The following CAMK4 variants were observed in gnomAD, a reference collection of about 807,000 sequenced individuals.
The protein encoded by CAMK4 is calcium/calmodulin-dependent protein kinase type IV.
In CAMK4, 22 loss-of-function variants were observed where a neutral mutation model predicts 44.9. That is an observed-to-expected ratio of 0.49 (90% CI 0.35 to 0.70). CAMK4 has a LOEUF of 0.70. Among genes scored for constraint, CAMK4 ranks in the 30% least tolerant of loss-of-function variants. CAMK4 has a pLI of 0.01. For missense variants in CAMK4, 498 were observed against 586.8 expected, an observed-to-expected ratio of 0.85 and a Z score of 1.56; for synonymous variants, 218 against 215.4, an observed-to-expected ratio of 1.01 and a Z score of -0.11.
chr5:111,334,455 T>G (rs984497630), intron 1 of CAMK4, among the ~76,000 whole-genome samples: 2 of 151,470 alleles, frequency 1.3e-5, no homozygotes, highest in African/African-American at 4.8e-5. Flanking sequence ...TGGGCCAAGA[T>G]GTATACTGAT....
At chr5:111,265,117 A>G (rs1460176382) in intron 1 of CAMK4, among the ~76,000 whole-genome samples, 1 of 152,132 alleles carries the variant, frequency 6.6e-6, no homozygotes, top group Non-Finnish European at 1.5e-5. Flanking sequence ...TGTCATGAGA[A>G]TGTAAGCCCC....
intron 1 of CAMK4, among the ~76,000 whole-genome samples, chr5:111,279,284 C>A (rs1750904579): frequency 6.6e-6 from 1 of 152,114 alleles, no homozygotes; most frequent in African/African-American, 2.4e-5. Flanking sequence ...GTTTCCGGCC[C>A]TGTGACTGTA....
intron 1 of CAMK4, among the ~76,000 whole-genome samples, chr5:111,331,503 C>T (rs955236474): frequency 2.0e-5 from 3 of 151,754 alleles, no homozygotes; most frequent in Non-Finnish European, 2.9e-5. Flanking sequence ...GGTACAACCA[C>T]ATTGAAAAAC....
intron 1 of CAMK4, among the ~76,000 whole-genome samples, chr5:111,338,586 C>A (rs1478311205): frequency 1.3e-5 from 2 of 151,220 alleles, no homozygotes; most frequent in Non-Finnish European, 3.0e-5. Flanking sequence ...TTCTAGGATT[C>A]TTAAAGCTTG....
intron 1 of CAMK4, among the ~76,000 whole-genome samples, chr5:111,328,859 T>A (rs1036938512): frequency 6.6e-6 from 1 of 152,058 alleles, no homozygotes; most frequent in Non-Finnish European, 1.5e-5. Flanking sequence ...GTACATTGAT[T>A]TTGTATCCTG....
At chr5:111,365,829 C>T (rs450315) in intron 2 of CAMK4, among the ~76,000 whole-genome samples, 138,453 of 152,116 alleles carry the variant, frequency 0.91, 63,108 homozygotes, top group East Asian at 1. Context: ...AAATTCTGTA[C>T]TTATTGGAGG....
chr5:111,256,955 A>G (rs1749769390), intron 1 of CAMK4, among the ~76,000 whole-genome samples: 1 of 152,230 alleles, frequency 6.6e-6, no homozygotes, highest in East Asian at 1.9e-4. Flanking sequence ...TTTAAGCAGA[A>G]AATTGAAACT....
chr5:111,449,017 A>C (rs548248915), intron 6 of CAMK4, 112 bp from the exon 7 acceptor site: 15 of 539,510 alleles, frequency 2.8e-5, no homozygotes, highest in African/African-American at 2.7e-4. Flanking sequence ...CCATCATCAA[A>C]TACAAAAGAA....
At chr5:111,423,140 T>C (rs910948284) in intron 5 of CAMK4, among the ~76,000 whole-genome samples, 2 of 152,230 alleles carry the variant, frequency 1.3e-5, no homozygotes, top group African/African-American at 4.8e-5. Flanking sequence ...CCATGGTTTC[T>C]AAAGGAAAAC....
At chr5:111,233,833 A>G (rs1475821392) in intron 1 of CAMK4, among the ~76,000 whole-genome samples, 1 of 152,178 alleles carries the variant, frequency 6.6e-6, no homozygotes, top group African/African-American at 2.4e-5. Flanking sequence ...CTCCTTTTTT[A>G]TATATTGAAT....
At chr5:111,351,737 A>G (rs1002220345) in intron 2 of CAMK4, among the ~76,000 whole-genome samples, 1 of 152,088 alleles carries the variant, frequency 6.6e-6, no homozygotes, top group Non-Finnish European at 1.5e-5. Flanking sequence ...AAGTCACTTC[A>G]TGATTTTAAA....
chr5:111,472,569 A>G (rs79503079), intron 7 of CAMK4, among the ~76,000 whole-genome samples: 2,506 of 152,326 alleles, frequency 0.016, 65 homozygotes, highest in African/African-American at 0.056. Context: ...AATCTAAGGT[A>G]ATAAAAATAT....
chr5:111,323,825 G>A (rs775493063), intron 1 of CAMK4, among the ~76,000 whole-genome samples: 32 of 152,050 alleles, frequency 2.1e-4, no homozygotes, highest in Non-Finnish European at 3.7e-4. Flanking sequence ...TCAGTGAAGA[G>A]CATGGGAAAT....
intron 1 of CAMK4, among the ~76,000 whole-genome samples, chr5:111,341,154 A>G (rs190234389): frequency 1.4e-3 from 214 of 151,376 alleles, no homozygotes; most frequent in African/African-American, 5.0e-3. Flanking sequence ...AAGATATGTG[A>G]TTCATAAATA....
At chr5:111,348,302 C>G (rs192802375) in intron 2 of CAMK4, among the ~76,000 whole-genome samples, 1 of 152,066 alleles carries the variant, frequency 6.6e-6, no homozygotes, top group African/African-American at 2.4e-5. Context: ...TAGATGAATG[C>G]GCTGACTTAT....
intron 5 of CAMK4, among the ~76,000 whole-genome samples, chr5:111,403,728 A>G (rs926625598): frequency 8.5e-5 from 13 of 152,204 alleles, no homozygotes; most frequent in Non-Finnish European, 1.6e-4. Flanking sequence ...TTACAGTGCA[A>G]TATTGGGACA....
intron 1 of CAMK4, among the ~76,000 whole-genome samples, chr5:111,282,069 AAG>A: frequency 6.6e-6 from 1 of 152,232 alleles, no homozygotes; most frequent in East Asian, 1.9e-4. Context: ...AAAAAAAAAA[AAG>A]AAATTTTCTG....
chr5:111,312,442 T>C (rs1206411279), intron 1 of CAMK4, among the ~76,000 whole-genome samples: 1 of 152,180 alleles, frequency 6.6e-6, no homozygotes, highest in Non-Finnish European at 1.5e-5. Context: ...ATAATGCCTG[T>C]GAGGAGTATA....
intron 1 of CAMK4, among the ~76,000 whole-genome samples, chr5:111,250,321 C>A (rs1440793144): frequency 1.3e-5 from 2 of 152,306 alleles, no homozygotes; most frequent in Admixed American, 6.5e-5. Context: ...ATGTTGCTTT[C>A]TCTTACCTGA....
Sources: allele counts gnomAD v4.1 joint callset (sites outside exome capture counted in the v4.1 genomes callset), GRCh38; gene constraint gnomAD v4.1.1; transcripts MANE v1.5; gene names NCBI Gene and HGNC (gene_info 2026-07-23, HGNC 2026-07-21).